Variants in CACNB2 observed in about 807,000 individuals in gnomAD.
CACNB2 encodes the protein voltage-dependent L-type calcium channel subunit beta-2.
CACNB2 carries 42 observed loss-of-function variants against 73.3 expected under a neutral mutation model. The observed-to-expected ratio is 0.57, with a 90% confidence interval of 0.45 to 0.74. The LOEUF (loss-of-function observed/expected upper bound fraction) is 0.74, where lower values mean the gene tolerates loss of function less well. CACNB2 is among the 30% of genes least tolerant of loss of function. The pLI, the probability that CACNB2 is intolerant of heterozygous loss-of-function variation, is 0.00. For synonymous variants in CACNB2, 348 were observed against 310.3 expected, an observed-to-expected ratio of 1.12 and a Z score of -1.28; for missense variants, 940 against 853.0, an observed-to-expected ratio of 1.10 and a Z score of -1.27.
In CACNB2 at chr10:18,540,011, G is replaced by A. The variant is rs1361299331; in HGVS notation, c.*287G>A. On this transcript the variant is annotated 3_prime_UTR_variant, in exon 14 of 14. Transcript: ENST00000324631. ...AGCTGCCACTTGAACAAAATCTGTT[G>A]CCACCCAGGTGATGTTAGTGTTTTA... 2.9e-6 allele frequency: 1 copy of A among 349,724 alleles called. No homozygotes were observed. Among genetic ancestry groups the A allele is most frequent in the South Asian group, 3.5e-5 (1 of 28,722 alleles). 21.7% of individuals were successfully genotyped at this position (349,724 alleles called of 1,614,324 possible).
chr10:18,538,900 G>A lies in CACNB2; in HGVS notation c.1489-330G>A, dbSNP rs11014733. On this transcript the variant is annotated intron_variant, in intron 13 of 13. Coordinates refer to ENST00000324631, the MANE Select transcript of CACNB2 (RefSeq NM_201596.3). ...AAGCAGAGGTAGTTAAGTTTACACCGCTGTATAGAAAAATCTCAGGGACCT... is the reference window on the plus strand; with the variant it reads ...AAGCAGAGGTAGTTAAGTTTACACCACTGTATAGAAAAATCTCAGGGACCT... 0.049 allele frequency among the ~76,000 whole-genome samples: 7,370 copies of A among 151,734 alleles called. 271 individuals are homozygous for A. The highest frequency in any genetic ancestry group is 0.077 in the Non-Finnish European group (5,223 of 67,930).
Position 18,292,168 on chromosome 10 carries a change from G to C in CACNB2, c.214-109756G>C, listed in dbSNP as rs184846102. On this transcript the variant is annotated intron_variant, in intron 2 of 13. Coordinates refer to ENST00000324631, the MANE Select transcript of CACNB2 (RefSeq NM_201596.3). ...TTTTTGGGGTAAGTCAAATGTTAAG[G>C]GTAGAATATGTGATTTTCATTATTC... Among the ~76,000 whole-genome samples, 69 of 152,196 alleles carry C rather than the reference G, an allele frequency of 4.5e-4. 1 individual carries two copies. The highest frequency in any genetic ancestry group is 1.6e-3 in the African/African-American group (67 of 41,532).
At chr10:18,223,566 C>T (rs1229924070) in intron 2 of CACNB2, among the ~76,000 whole-genome samples, 2 of 151,992 alleles carry the variant, frequency 1.3e-5, no homozygotes, top group Non-Finnish European at 2.9e-5. Context: ...GCACATAAAA[C>T]AGAATGCTCC....
chr10:18,491,104 G>T (rs2049393596), intron 3 of CACNB2, among the ~76,000 whole-genome samples: 1 of 152,150 alleles, frequency 6.6e-6, no homozygotes, highest in South Asian at 2.1e-4. Flanking sequence ...TTTTGTTCTT[G>T]CTTCTTGGGA....
intron 3 of CACNB2, among the ~76,000 whole-genome samples, chr10:18,493,124 G>C (rs1156675260): frequency 6.6e-6 from 1 of 152,196 alleles, no homozygotes; most frequent in Non-Finnish European, 1.5e-5. Flanking sequence ...CTGCTCTAGA[G>C]ATAAAGCATA....
chr10:18,534,030 A>T (rs745808514), intron 10 of CACNB2, 46 bp from the exon 11 acceptor site: 1 of 1,602,706 alleles, frequency 6.2e-7, no homozygotes, highest in Non-Finnish European at 8.5e-7. Context: ...ATTTTACTTT[A>T]TCTTAAAAAT....
intron 2 of CACNB2, among the ~76,000 whole-genome samples, chr10:18,186,716 C>G (rs1256436875): frequency 6.6e-6 from 1 of 152,142 alleles, no homozygotes; most frequent in African/African-American, 2.4e-5. Context: ...AGAGATGGTG[C>G]TAAGCCATTC....
In CACNB2 at chr10:18,504,087, C is replaced by A. The variant is rs939028456; in HGVS notation, c.594-2384C>A. ...GAACAACTTCAAAGGGAGTAGAAAT[C>A]TTTCCCAAAATTGTTTGAGAAATGT... On this transcript the variant is annotated intron_variant, in intron 5 of 13. Transcript: ENST00000324631. 2.0e-5 allele frequency among the ~76,000 whole-genome samples: 3 copies of A among 152,166 alleles called. No homozygotes were observed. In the East Asian group the frequency reaches 5.8e-4, roughly 29 times the overall value.
chr10:18,455,055 A>AG (rs2047209877), intron 3 of CACNB2, among the ~76,000 whole-genome samples: 2 of 151,054 alleles, frequency 1.3e-5, no homozygotes, highest in African/African-American at 4.9e-5. Flanking sequence ...AAAAAAAAAA[A>AG]GTGGTATTCG....
chr10:18,340,816 C>A, intron 2 of CACNB2: 1 of 1,609,472 alleles, frequency 6.2e-7, no homozygotes, highest in South Asian at 1.1e-5. Context: ...AAAGCAGTTG[C>A]TATGCTGTTC....
At position 18,539,614 on chromosome 10, in the gene CACNB2, C is replaced by T. The variant is rs1060499847; in HGVS notation, c.1873C>T (p.Arg625Cys). The change falls in exon 14 of 14, where the codon CGC (arginine) becomes TGC (cysteine). Residue 625 changes from arginine to cysteine, a missense_variant. Physicochemically the swap from Arg to Cys is radical, Grantham distance 180 (BLOSUM62 -3). Transcript: ENST00000324631. ...GGACCACAACGAGTGCAACAAGCAG[C>T]GCAGCCGTCATAAATCCAAGGATCG... is the stretch of plus-strand genomic sequence containing the variant. ...EQDHNECNKQRSRHKSKDRYC... is the reference protein window; with the variant it reads ...EQDHNECNKQCSRHKSKDRYC... The T allele has an allele frequency of 1.5e-5, 24 of 1,613,444 alleles. No individual in the cohort carries two copies. Among genetic ancestry groups the T allele is most frequent in the Middle Eastern group, 1.6e-4 (1 of 6,082 alleles).
At chr10:18,273,999 G>T (rs919246390) in intron 2 of CACNB2, among the ~76,000 whole-genome samples, 2 of 152,120 alleles carry the variant, frequency 1.3e-5, no homozygotes, top group African/African-American at 4.8e-5. Flanking sequence ...TGAATATCTA[G>T]AAGGAAAGAC....
rs545010455 is a variant in CACNB2, at chr10:18,300,575, T to C, written c.214-101349T>C. ...CAACGTATTTCAAAACTCTAGGTGT[T>C]TGTTATGCCTTTTGGCAATTAACAC... On this transcript the variant is annotated intron_variant, in intron 2 of 13. Coordinates refer to ENST00000324631, the MANE Select transcript of CACNB2 (RefSeq NM_201596.3). 3.9e-5 allele frequency among the ~76,000 whole-genome samples: 6 copies of C among 152,374 alleles called. No individual in the cohort carries two copies. The East Asian group carries it at 7.7e-4, about 20-fold the overall frequency.
chr10:18,159,353 T>A (rs537787251), intron 2 of CACNB2, among the ~76,000 whole-genome samples: 9 of 152,338 alleles, frequency 5.9e-5, no homozygotes, highest in Admixed American at 5.9e-4. Context: ...AGTTGAGCTT[T>A]AGGAATCCAC....
intron 2 of CACNB2, among the ~76,000 whole-genome samples, chr10:18,216,900 G>C (rs2035535496): frequency 6.6e-6 from 1 of 152,206 alleles, no homozygotes; most frequent in Non-Finnish European, 1.5e-5. Flanking sequence ...GACCAGGTCA[G>C]AATGGAAGTG....
At chr10:18,527,770 G>A (rs966242806) in intron 10 of CACNB2, 73 bp downstream of exon 10, 2 of 948,526 alleles carry the variant, frequency 2.1e-6, no homozygotes, top group African/African-American at 1.6e-5. Context: ...GACCTAACAA[G>A]ATGATAATTC....
intron 2 of CACNB2, among the ~76,000 whole-genome samples, chr10:18,164,391 G>A (rs778780922): frequency 1.5e-4 from 23 of 152,126 alleles, no homozygotes; most frequent in Non-Finnish European, 2.5e-4. Context: ...GAGAGCAATC[G>A]TTGAAAGAAA....
intron 2 of CACNB2, among the ~76,000 whole-genome samples, chr10:18,383,841 G>C (rs1012478177): frequency 5.3e-5 from 8 of 152,088 alleles, no homozygotes; most frequent in African/African-American, 1.9e-4. Context: ...GAGTAGCTAG[G>C]ATTACAGGCA....
intron 2 of CACNB2, among the ~76,000 whole-genome samples, chr10:18,378,115 G>A (rs1287755843): frequency 6.6e-6 from 1 of 152,056 alleles, no homozygotes; most frequent in East Asian, 1.9e-4. Flanking sequence ...TGGGCCTGGA[G>A]GCTAGGAAAC....
Sources: allele counts gnomAD v4.1 joint callset (sites outside exome capture counted in the v4.1 genomes callset), GRCh38; gene constraint gnomAD v4.1.1; transcripts MANE v1.5; gene names NCBI Gene and HGNC (gene_info 2026-07-23, HGNC 2026-07-21).